SHCBP1L: variants seen among roughly 807,000 people sequenced by gnomAD.
The protein encoded by SHCBP1L is testicular spindle-associated protein SHCBP1L.
Under a neutral mutation model 62.5 loss-of-function variants are expected in SHCBP1L, and 67 were observed. The ratio of observed to expected loss-of-function variants is 1.07; its 90% CI spans 0.88 to 1.31. The LOEUF (loss-of-function observed/expected upper bound fraction) is 1.31, where lower values mean the gene tolerates loss of function less well. Among genes scored for constraint, SHCBP1L ranks in the 40% most tolerant of loss-of-function variants. The pLI is 0.00. For missense variants in SHCBP1L, 823 were observed against 809.8 expected (o/e 1.02, Z -0.20); for synonymous variants, 284 against 289.4 (o/e 0.98, Z 0.19).
intron 6 of SHCBP1L, among the ~76,000 whole-genome samples, chr1:182,919,895 C>T (rs187833402): frequency 5.9e-5 from 9 of 152,188 alleles, no homozygotes; most frequent in Middle Eastern, 3.4e-3. Context: ...ACACAGCCTC[C>T]CCCTACCACA....
At chr1:182,933,001 G>A (rs905528058) in intron 5 of SHCBP1L, among the ~76,000 whole-genome samples, 37 of 152,128 alleles carry the variant, frequency 2.4e-4, no homozygotes, top group African/African-American at 8.9e-4. Flanking sequence ...TGCCTCCCAG[G>A]TTCGAGCAAT....
intron 6 of SHCBP1L, among the ~76,000 whole-genome samples, chr1:182,906,223 A>G (rs1034327590): frequency 2.0e-5 from 3 of 152,040 alleles, no homozygotes; most frequent in African/African-American, 7.2e-5. Context: ...GGCATAAGCC[A>G]CCGTGCCCGG....
At chr1:182,914,938 G>A (rs113123795) in intron 6 of SHCBP1L, among the ~76,000 whole-genome samples, 6,058 of 151,918 alleles carry the variant, frequency 0.04, 297 homozygotes, top group African/African-American at 0.11. Context: ...GGGAGGGCGA[G>A]GTGGGCGGAT....
chr1:182,908,321 C>G (rs1650080513), intron 6 of SHCBP1L, among the ~76,000 whole-genome samples: 1 of 137,194 alleles, frequency 7.3e-6, no homozygotes, highest in South Asian at 2.5e-4. Flanking sequence ...TGTTTGTGTC[C>G]ATGTGTGCTT....
intron 5 of SHCBP1L, among the ~76,000 whole-genome samples, chr1:182,937,636 G>A (rs367889014): frequency 2.3e-4 from 35 of 152,132 alleles, no homozygotes; most frequent in South Asian, 8.3e-4. Flanking sequence ...TCTTCTTCTG[G>A]TATTACAATT....
At chr1:182,948,421 G>C (rs952056927) in intron 2 of SHCBP1L, among the ~76,000 whole-genome samples, 16 of 152,126 alleles carry the variant, frequency 1.1e-4, no homozygotes, top group Non-Finnish European at 1.6e-4. Context: ...TATTAAAAGG[G>C]GACTGCCTTT....
Position 182,952,929 on chromosome 1 carries a change from G to T in SHCBP1L, c.205C>A (p.Arg69=). ...TGAGCCGCGGGCAGGCGCTGGAGCC[G>T]CAGCCTGGCCGTCTCCCGGCCCGCT... is the stretch of plus-strand genomic sequence containing the variant. The part of the protein sequence containing the change: ...GKAGRETARL[R]LQRLPAAQAE... Residue 69 remains arginine, a synonymous_variant, in exon 1 of 10, where the codon CGG becomes AGG. Coordinates refer to ENST00000367547, the MANE Select transcript of SHCBP1L (RefSeq NM_030933.4). 1.9e-6 allele frequency: 3 copies of T among 1,557,762 alleles called. No individual in the cohort carries two copies. Among genetic ancestry groups the T allele is most frequent in the Non-Finnish European group, 1.7e-6 (2 of 1,152,942 alleles).
intron 6 of SHCBP1L, among the ~76,000 whole-genome samples, chr1:182,924,893 A>AAG (rs370354957): frequency 0.039 from 4,749 of 120,970 alleles, 110 homozygotes; most frequent in African/African-American, 0.16. Context: ...GGGAAAGACA[A>AAG]AGAGAGAGAG....
chr1:182,924,732 GAAA>G, intron 6 of SHCBP1L, among the ~76,000 whole-genome samples: 1 of 70,002 alleles, frequency 1.4e-5, no homozygotes, highest in African/African-American at 1.2e-4. Context: ...AAGAAAGAAA[GAAA>G]GAAAGAAAGA....
In SHCBP1L at chr1:182,904,481, G is replaced by T. The variant is rs763436792; in HGVS notation, c.1337-51C>A. 32 of 1,590,610 alleles carry T rather than the reference G, an allele frequency of 2.0e-5. No individual in the cohort carries two copies. In the Admixed American group the frequency reaches 5.3e-4, roughly 26 times the overall value. On this transcript the variant is annotated intron_variant, in intron 7 of 9. Transcript: ENST00000367547. ...TAAATCAGTAATCTCCCATTTTAAG[G>T]CCCTTTATTGTCATTCAACAATACT... is the stretch of plus-strand genomic sequence containing the variant.
chr1:182,908,029 T>G lies in SHCBP1L; in HGVS notation c.1183-2380A>C, dbSNP rs188808079. Among the ~76,000 whole-genome samples the G allele has an allele frequency of 4.2e-4, 64 of 152,352 alleles. 1 individual carries two copies. Among genetic ancestry groups the G allele is most frequent in the African/African-American group, 1.4e-3 (60 of 41,588 alleles). The stretch of plus-strand genomic sequence containing the variant: ...GTATATTTCCCATGCATATATTCAT[T>G]TATTCATATGCCAATCAATCATACC... On this transcript the variant is annotated intron_variant, in intron 6 of 9. Transcript: ENST00000367547.
intron 6 of SHCBP1L, among the ~76,000 whole-genome samples, chr1:182,924,089 C>T (rs1047486151): frequency 2.0e-5 from 3 of 152,122 alleles, no homozygotes; most frequent in African/African-American, 7.2e-5. Context: ...TATACACCAA[C>T]AATGTCCAAG....
chr1:182,944,897 T>C (rs576444399), intron 2 of SHCBP1L, among the ~76,000 whole-genome samples: 7 of 152,226 alleles, frequency 4.6e-5, no homozygotes, highest in Admixed American at 4.6e-4. Context: ...CAAAAAACGT[T>C]TTCCCAGCAG....
chr1:182,941,499 A>G (rs1011934240), intron 2 of SHCBP1L, among the ~76,000 whole-genome samples: 72 of 152,190 alleles, frequency 4.7e-4, no homozygotes, highest in African/African-American at 1.7e-3. Flanking sequence ...GTATCTTCAC[A>G]TGTTGGTCAG....
At position 182,899,894 on chromosome 1, in the gene SHCBP1L, T is replaced by A; in HGVS notation, c.*89A>T. ...ATTTAAATATTTTTTAATTAAGCTTTGAATTGAAACTACCATTTCAGTGGG... is the reference window on the plus strand; with the variant it reads ...ATTTAAATATTTTTTAATTAAGCTTAGAATTGAAACTACCATTTCAGTGGG... On this transcript the variant is annotated 3_prime_UTR_variant, in exon 10 of 10. Coordinates refer to ENST00000367547, the MANE Select transcript of SHCBP1L (RefSeq NM_030933.4). The A allele has an allele frequency of 1.8e-6, 2 of 1,097,238 alleles. No individual in the cohort carries two copies. The highest frequency in any genetic ancestry group is 2.5e-6 in the Non-Finnish European group (2 of 794,000). 68.0% of individuals were successfully genotyped at this position (1,097,238 alleles called of 1,614,324 possible). A position where few individuals can be genotyped will look rare whatever the true frequency, so the allele number is the denominator to read the frequency against.
At chr1:182,932,668 T>C (rs147922848) in intron 5 of SHCBP1L, among the ~76,000 whole-genome samples, 8 of 152,042 alleles carry the variant, frequency 5.3e-5, no homozygotes, top group Middle Eastern at 6.8e-3. Flanking sequence ...CTAATTTTTG[T>C]ATTTTTATTA....
chr1:182,942,176 T>G lies in SHCBP1L; in HGVS notation c.556-1633A>C, dbSNP rs546438176. 3.3e-5 allele frequency: 36 copies of G among 1,086,996 alleles called. No individual in the cohort carries two copies. The African/African-American group carries it at 5.4e-4, about 16-fold the overall frequency. 67.3% of individuals were successfully genotyped at this position (1,086,996 alleles called of 1,614,324 possible). A position where few individuals can be genotyped will look rare whatever the true frequency, so the allele number is the denominator to read the frequency against. ...CTCCTCAGTTTTCGTTTCCCCATTT[T>G]CTGCAGGTAAATCTTTAGTTTCTTG... On this transcript the variant is annotated intron_variant, in intron 2 of 9. Transcript: ENST00000367547.
At chr1:182,905,346 A>G (rs1039228074) in intron 7 of SHCBP1L, 150 bp downstream of exon 7, 4 of 804,794 alleles carry the variant, frequency 5.0e-6, no homozygotes, top group Non-Finnish European at 7.4e-6. Flanking sequence ...AATATGACGA[A>G]CATGTCTTAA....
chr1:182,915,380 C>T (rs981668478), intron 6 of SHCBP1L, among the ~76,000 whole-genome samples: 17 of 151,944 alleles, frequency 1.1e-4, no homozygotes, highest in Non-Finnish European at 4.4e-5. Context: ...AGAGTTAATT[C>T]ATCAAGAAGA....
Sources: gnomAD v4.1 joint callset for allele counts (sites outside exome capture counted in the v4.1 genomes callset) on GRCh38, gnomAD v4.1.1 for gene constraint, MANE v1.5 for transcripts, NCBI Gene and HGNC (gene_info 2026-07-23, HGNC 2026-07-21) for gene names.